DENND2B: variants seen among roughly 807,000 people sequenced by gnomAD.
DENND2B encodes DENN domain-containing protein 2B.
Under a neutral mutation model 116.0 loss-of-function variants are expected in DENND2B, and 32 were observed. The observed-to-expected ratio is 0.28, with a 90% CI of 0.21 to 0.37. The LOEUF is 0.37. Ranked by LOEUF, DENND2B falls within the 10% of genes least tolerant of loss-of-function variation. The pLI is 1.00. For synonymous variants in DENND2B, 588 were observed against 583.9 expected, an observed-to-expected ratio of 1.01 and a Z score of -0.10; for missense variants, 1,276 against 1,477.7, an observed-to-expected ratio of 0.86 and a Z score of 2.24.
intron 3 of DENND2B, among the ~76,000 whole-genome samples, chr11:8,846,041 C>T (rs766939293): frequency 2.6e-5 from 4 of 152,162 alleles, no homozygotes; most frequent in Non-Finnish European, 5.9e-5. Context: ...TTCGAAGGTC[C>T]TCATGTGCAT....
intron 5 of DENND2B, among the ~76,000 whole-genome samples, chr11:8,716,553 C>T (rs1334306930): frequency 6.6e-6 from 1 of 152,226 alleles, no homozygotes; most frequent in African/African-American, 2.4e-5. Context: ...AATCCTCCTT[C>T]CTCCACAGCC....
chr11:8,732,229 C>T (rs1310052197), intron 2 of DENND2B, among the ~76,000 whole-genome samples: 2 of 152,234 alleles, frequency 1.3e-5, no homozygotes, highest in East Asian at 1.9e-4. Context: ...TTGGCAACTA[C>T]AAGGAACACT....
At chr11:8,897,258 A>C (rs886394040) in intron 1 of DENND2B, among the ~76,000 whole-genome samples, 3 of 152,196 alleles carry the variant, frequency 2.0e-5, no homozygotes, top group Non-Finnish European at 4.4e-5. Flanking sequence ...CACCATCTCA[A>C]ACAAACAAAC....
At chr11:8,813,309 G>C (rs2061457693), upstream of DENND2B, among the ~76,000 whole-genome samples, 1 of 152,158 alleles carries the variant, frequency 6.6e-6, no homozygotes, top group South Asian at 2.1e-4. Flanking sequence ...AGCAATCAGA[G>C]CTTGAAAGGG....
chr11:8,736,018 G>C (rs377296928), intron 2 of DENND2B, among the ~76,000 whole-genome samples: 29 of 152,196 alleles, frequency 1.9e-4, no homozygotes, highest in Admixed American at 1.8e-3. Flanking sequence ...GAGAAGGGCA[G>C]GGCCTGCCTT....
chr11:8,694,007 G>A lies in DENND2B; in HGVS notation c.*89C>T. The A allele has an allele frequency of 6.9e-7, 1 of 1,459,504 alleles. No individual in the cohort carries two copies. The highest frequency in any genetic ancestry group is 9.5e-7 in the Non-Finnish European group (1 of 1,053,006). 90.4% of individuals were successfully genotyped at this position (1,459,504 alleles called of 1,614,324 possible). On this transcript the variant is annotated 3_prime_UTR_variant, in exon 20 of 20. Coordinates refer to ENST00000313726, the MANE Select transcript of DENND2B (RefSeq NM_213618.2). ...GGATAGGATCTGTGGGGGCAGAGGA[G>A]CCACAGCAGCCCAGAGGGTCCCAGG...
upstream of DENND2B, among the ~76,000 whole-genome samples, chr11:8,872,588 CT>C (rs1427102976): frequency 6.6e-6 from 1 of 151,798 alleles, no homozygotes; most frequent in African/African-American, 2.4e-5. Context: ...ATAAAGTCTA[CT>C]GTTCCTTTGC....
chr11:8,748,891 C>A (rs772005808), intron 2 of DENND2B, among the ~76,000 whole-genome samples: 2 of 151,958 alleles, frequency 1.3e-5, no homozygotes, highest in Non-Finnish European at 2.9e-5. Context: ...GTAAATACTG[C>A]CCCTCCCACC....
intron 1 of DENND2B, among the ~76,000 whole-genome samples, chr11:8,802,169 TACA>T (rs2060408878): frequency 6.6e-6 from 1 of 151,238 alleles, no homozygotes; most frequent in Non-Finnish European, 1.5e-5. Context: ...GGTGTGGTGG[TACA>T]CACCTGTAGT....
At chr11:8,849,829 A>AAAAAAG (rs2062946137) in intron 3 of DENND2B, among the ~76,000 whole-genome samples, 1 of 150,046 alleles carries the variant, frequency 6.7e-6, no homozygotes, top group Non-Finnish European at 1.5e-5. Flanking sequence ...TCTCAAAAAA[A>AAAAAAG]AAAAGAAAAG....
chr11:8,798,041 C>T (rs1024944520), intron 1 of DENND2B, among the ~76,000 whole-genome samples: 4 of 152,166 alleles, frequency 2.6e-5, no homozygotes, highest in Non-Finnish European at 5.9e-5. Context: ...TTCTCAGAGG[C>T]CTTCTCTAAC....
chr11:8,745,848 T>C (rs1457401742), intron 2 of DENND2B, among the ~76,000 whole-genome samples: 1 of 152,220 alleles, frequency 6.6e-6, no homozygotes, highest in African/African-American at 2.4e-5. Context: ...CTGTCATACA[T>C]GTAAGCCTTC....
chr11:8,806,638 A>ACACACACACACACACACACACAC (rs1017645452), intron 1 of DENND2B, among the ~76,000 whole-genome samples: 1 of 150,896 alleles, frequency 6.6e-6, no homozygotes, highest in Non-Finnish European at 1.5e-5. Flanking sequence ...ACACACACAC[A>ACACACACACACACACACACACAC]CCCAGGAGAG....
At chr11:8,751,506 T>C (rs966719863) in intron 1 of DENND2B, among the ~76,000 whole-genome samples, 3 of 152,158 alleles carry the variant, frequency 2.0e-5, no homozygotes, top group African/African-American at 7.2e-5. Context: ...ACTGCCTTTA[T>C]GAGCTGTAAC....
At chr11:8,823,650 G>A (rs1380705015) in intron 4 of DENND2B, among the ~76,000 whole-genome samples, 1 of 152,104 alleles carries the variant, frequency 6.6e-6, no homozygotes, top group Non-Finnish European at 1.5e-5. Context: ...TCTCTCTCCT[G>A]CCACCCTGTG....
At chr11:8,724,227 C>T (rs973364175) in intron 4 of DENND2B, among the ~76,000 whole-genome samples, 1 of 151,404 alleles carries the variant, frequency 6.6e-6, no homozygotes, top group African/African-American at 2.4e-5. Context: ...ACCCGGGATG[C>T]GGAGCTTGCA....
At chr11:8,816,969 G>A (rs994253591) in intron 4 of DENND2B, among the ~76,000 whole-genome samples, 1 of 152,156 alleles carries the variant, frequency 6.6e-6, no homozygotes, top group Non-Finnish European at 1.5e-5. Context: ...TTGGGGCTTT[G>A]GGATCAGACA....
At chr11:8,906,900 A>G (rs1433741618) in intron 1 of DENND2B, among the ~76,000 whole-genome samples, 1 of 152,224 alleles carries the variant, frequency 6.6e-6, no homozygotes, top group Non-Finnish European at 1.5e-5. Context: ...AAATAAAATG[A>G]TTTATACAGT....
intron 1 of DENND2B, among the ~76,000 whole-genome samples, chr11:8,779,751 T>G (rs911917469): frequency 6.6e-6 from 1 of 152,124 alleles, no homozygotes; most frequent in Non-Finnish European, 1.5e-5. Context: ...TGACCTCAGG[T>G]GATCCGCCCC....
Sources: allele counts gnomAD v4.1 joint callset (sites outside exome capture counted in the v4.1 genomes callset), GRCh38; gene constraint gnomAD v4.1.1; transcripts MANE v1.5; gene names NCBI Gene and HGNC (gene_info 2026-07-23, HGNC 2026-07-21).